Variants in PCDHGA3 observed in about 807,000 individuals in gnomAD.
The protein encoded by PCDHGA3 is protocadherin gamma-A3.
PCDHGA3 carries 40 observed loss-of-function variants against 58.5 expected under a neutral mutation model. The ratio of observed to expected loss-of-function variants is 0.68; its 90% CI spans 0.53 to 0.89. The LOEUF is 0.89. Among genes scored for constraint, PCDHGA3 ranks in the 40% least tolerant of loss-of-function variants. The pLI, the probability that PCDHGA3 is intolerant of heterozygous loss-of-function variation, is 0.00. For synonymous variants in PCDHGA3, 530 were observed against 525.7 expected, an observed-to-expected ratio of 1.01 and a Z score of -0.11; for missense variants, 1,223 against 1,195.9, an observed-to-expected ratio of 1.02 and a Z score of -0.33.
Position 141,486,657 on chromosome 5 carries a change from T to C in PCDHGA3, c.2425-8150T>C. Reference sequence around the variant, plus strand: ...AATGCGCTTATCTCCTACTCACTCCTGGAGCCCAGGAATCGAGATGTATCA... The same window carrying C: ...AATGCGCTTATCTCCTACTCACTCCCGGAGCCCAGGAATCGAGATGTATCA... On this transcript the variant is annotated intron_variant, in intron 1 of 3. Transcript: ENST00000253812. The surrounding 1 kb of genome is among the most constrained non-coding windows in gnomAD (Gnocchi z 5.0). The C allele has an allele frequency of 6.2e-7, 1 of 1,614,010 alleles. No individual in the cohort carries two copies. Among genetic ancestry groups the C allele is most frequent in the Non-Finnish European group, 8.5e-7 (1 of 1,180,030 alleles).
chr5:141,419,564 C>A (rs2096400387), intron 1 of PCDHGA3: 5 of 1,611,832 alleles, frequency 3.1e-6, no homozygotes, highest in Non-Finnish European at 4.2e-6. Context: ...TGCGCTGGGT[C>A]CCGACGGCTC....
At chr5:141,459,632 A>G (rs1202000974) in intron 1 of PCDHGA3, among the ~76,000 whole-genome samples, 1 of 152,214 alleles carries the variant, frequency 6.6e-6, no homozygotes, top group East Asian at 1.9e-4. Flanking sequence ...AAGCTGCCAA[A>G]CTATTTTTCA....
chr5:141,384,739 C>A (rs1484877981), intron 1 of PCDHGA3: 1 of 1,613,938 alleles, frequency 6.2e-7, no homozygotes, highest in African/African-American at 1.3e-5. Context: ...GGCCAGCGAG[C>A]CAGGACTCTT....
intron 1 of PCDHGA3, chr5:141,422,099 A>C (rs374091819): frequency 6.2e-7 from 1 of 1,609,706 alleles, no homozygotes; most frequent in Non-Finnish European, 8.5e-7. Context: ...AAGGCTTCTG[A>C]AATATTCCAA....
chr5:141,450,835 T>TA lies in PCDHGA3; in HGVS notation c.2425-43972_2425-43971insA, dbSNP rs1438371595. ...ATTTAATATTATTATTATTATTTTT[T>TA]TTTTTTTGAGATGGGGTCTTGCTCT... is the stretch of plus-strand genomic sequence containing the variant. On this transcript the variant is annotated intron_variant, in intron 1 of 3. Coordinates refer to ENST00000253812, the MANE Select transcript of PCDHGA3 (RefSeq NM_018916.4). 4.0e-3 allele frequency among the ~76,000 whole-genome samples: 570 copies of TA among 142,160 alleles called. 3 individuals are homozygous for TA. The highest frequency in any genetic ancestry group is 0.015 in the Middle Eastern group (4 of 270). The allele number at this position is 142,160 out of a possible 152,430, so 93.3% of individuals were successfully genotyped here.
intron 1 of PCDHGA3, chr5:141,393,233 A>T (rs756421828): frequency 2.7e-5 from 44 of 1,613,664 alleles, no homozygotes; most frequent in Non-Finnish European, 3.4e-5. Context: ...ATCTAGAAGT[A>T]AAAATTAACG....
At chr5:141,373,405 C>A (rs1435253016) in intron 1 of PCDHGA3, among the ~76,000 whole-genome samples, 1 of 152,208 alleles carries the variant, frequency 6.6e-6, no homozygotes, top group Non-Finnish European at 1.5e-5. Context: ...TGCCTGTAGT[C>A]CCAGCTACTC....
intron 1 of PCDHGA3, chr5:141,350,936 T>A: frequency 6.2e-7 from 1 of 1,614,102 alleles, no homozygotes; most frequent in Non-Finnish European, 8.5e-7. Context: ...CACCCATATC[T>A]GGATCCGAGT....
Position 141,511,285 on chromosome 5 carries a change from G to C in PCDHGA3, c.*112G>C. On this transcript the variant is annotated 3_prime_UTR_variant, in exon 4 of 4. Coordinates refer to ENST00000253812, the MANE Select transcript of PCDHGA3 (RefSeq NM_018916.4). Reference sequence around the variant, plus strand: ...GGGCTAACCCCCAGAATACTGGTAGGGGCCAAGGCCATGCTCCCCTTGGGA... The same window carrying C: ...GGGCTAACCCCCAGAATACTGGTAGCGGCCAAGGCCATGCTCCCCTTGGGA... 1 of 1,521,904 alleles carries C rather than the reference G, an allele frequency of 6.6e-7. No homozygotes were observed. The highest frequency in any genetic ancestry group is 8.8e-7 in the Non-Finnish European group (1 of 1,131,664). 94.3% of individuals were successfully genotyped at this position (1,521,904 alleles called of 1,614,324 possible).
At position 141,409,894 on chromosome 5, in the gene PCDHGA3, C is replaced by A. The variant is rs1440813020; in HGVS notation, c.2424+63437C>A. The A allele has an allele frequency of 2.5e-6, 4 of 1,613,196 alleles. No homozygotes were observed. In the Admixed American group the frequency reaches 5.0e-5, roughly 20 times the overall value. ...ATGACAACGCACCGCGGGTGCTGTACCCAGCTCTGGGTCCTGACGGCTCCG... is the reference window on the plus strand; with the variant it reads ...ATGACAACGCACCGCGGGTGCTGTAACCAGCTCTGGGTCCTGACGGCTCCG... On this transcript the variant is annotated intron_variant, in intron 1 of 3. Transcript: ENST00000253812.
chr5:141,393,447 C>G, intron 1 of PCDHGA3: 1 of 1,614,052 alleles, frequency 6.2e-7, no homozygotes. Flanking sequence ...CCACCTGGTC[C>G]TCACGGCCTC....
chr5:141,372,703 T>C (rs1379730424), intron 1 of PCDHGA3: 1 of 1,614,012 alleles, frequency 6.2e-7, no homozygotes, highest in Non-Finnish European at 8.5e-7. Context: ...TTTCTCAATA[T>C]AAAGGCTGAA....
At chr5:141,417,673 C>G in intron 1 of PCDHGA3, 3 of 970,368 alleles carry the variant, frequency 3.1e-6, no homozygotes, top group Non-Finnish European at 2.9e-6. Context: ...CCTGCGCAGC[C>G]AACAACAGAA....
chr5:141,445,035 T>C (rs1438748354), intron 1 of PCDHGA3, among the ~76,000 whole-genome samples: 1 of 152,208 alleles, frequency 6.6e-6, no homozygotes, highest in Admixed American at 6.5e-5. Flanking sequence ...CTATGTTGTA[T>C]AGTTTTCAGT....
At chr5:141,351,791 T>G (rs1758824643) in intron 1 of PCDHGA3, 1 of 1,613,252 alleles carries the variant, frequency 6.2e-7, no homozygotes, top group Admixed American at 1.7e-5. Flanking sequence ...CGGGGTGGTG[T>G]TCGCGCAGCG....
Position 141,481,770 on chromosome 5 carries a change from G to T in PCDHGA3, c.2425-13037G>T, listed in dbSNP as rs188953511. 6.1e-3 allele frequency among the ~76,000 whole-genome samples: 929 copies of T among 152,184 alleles called. 10 individuals are homozygous for T. Among genetic ancestry groups the T allele is most frequent in the African/African-American group, 0.022 (895 of 41,516 alleles). On this transcript the variant is annotated intron_variant, in intron 1 of 3. Coordinates refer to ENST00000253812, the MANE Select transcript of PCDHGA3 (RefSeq NM_018916.4). ...AGTCCAAGACCAGCCTGGCCAACAT[G>T]GTGAAACCCCGTCTCTACTAAAAAT... is the stretch of plus-strand genomic sequence containing the variant.
At position 141,361,783 on chromosome 5, in the gene PCDHGA3, G is replaced by C. The variant is rs375966726; in HGVS notation, c.2424+15326G>C. ...GCTCAGCGCCAACGTGAGCCTGCGC[G>C]TGTTAGTGGGCGACCTCAATGACAA... On this transcript the variant is annotated intron_variant, in intron 1 of 3. Transcript: ENST00000253812. 68 of 1,613,126 alleles carry C rather than the reference G, an allele frequency of 4.2e-5. No homozygotes were observed. In the African/African-American group the frequency reaches 5.5e-4, roughly 13 times the overall value.
intron 1 of PCDHGA3, chr5:141,375,222 G>T: frequency 6.2e-7 from 1 of 1,613,926 alleles, no homozygotes; most frequent in Non-Finnish European, 8.5e-7. Flanking sequence ...GGCCTGAATG[G>T]CCTGGTAACC....
chr5:141,487,803 A>G lies in PCDHGA3; in HGVS notation c.2425-7004A>G. On this transcript the variant is annotated intron_variant, in intron 1 of 3. Transcript: ENST00000253812. The surrounding 1 kb of genome is among the most constrained non-coding windows in gnomAD (Gnocchi z 5.0). ...TTCGTGAATTAACCAGAGTTGTCAC[A>G]GTTTAGCATTGGGGGCGGGTCATGC... 2.0e-6 allele frequency: 3 copies of G among 1,466,166 alleles called. No individual in the cohort carries two copies. The highest frequency in any genetic ancestry group is 2.8e-6 in the Non-Finnish European group (3 of 1,084,448). The allele number at this position is 1,466,166 out of a possible 1,614,324, so 90.8% of individuals were successfully genotyped here. A position where few individuals can be genotyped will look rare whatever the true frequency, so the allele number is the denominator to read the frequency against.
Sources: gnomAD v4.1 joint callset for allele counts (sites outside exome capture counted in the v4.1 genomes callset) on GRCh38, gnomAD v4.1.1 for gene constraint, Gnocchi (gnomAD v3.1) non-coding constraint, MANE v1.5 for transcripts, NCBI Gene and HGNC (gene_info 2026-07-23, HGNC 2026-07-21) for gene names.